Variants in CDH12 observed in about 807,000 individuals in gnomAD.
CDH12 encodes the protein cadherin 12.
In CDH12, 41 loss-of-function variants were observed where a neutral mutation model predicts 74.1. The observed-to-expected ratio is 0.55, with a 90% CI of 0.43 to 0.72. The LOEUF (loss-of-function observed/expected upper bound fraction) is 0.72. Ranked by LOEUF, CDH12 falls within the 30% of genes least tolerant of loss-of-function variation. The probability of loss-of-function intolerance (pLI) is 0.00; values close to 1 mark genes in which losing one functional copy is unlikely to be tolerated. For missense variants in CDH12, 945 were observed against 977.2 expected (o/e 0.97, Z 0.44); for synonymous variants, 399 against 355.0 (o/e 1.12, Z -1.39).
rs145596683 is a variant in CDH12 at position 21,831,909 on chromosome 5, C to T, written c.814+10252G>A. On this transcript the variant is annotated intron_variant, in intron 8 of 14. Coordinates refer to ENST00000382254, the MANE Select transcript of CDH12 (RefSeq NM_004061.5). Reference sequence around the variant, plus strand: ...ACATAACACTACATTATTCATGCCACTCTGCCAATATTTTAATTTCTAAAA... The same window carrying T: ...ACATAACACTACATTATTCATGCCATTCTGCCAATATTTTAATTTCTAAAA... Among the ~76,000 whole-genome samples the T allele has an allele frequency of 4.3e-3, 659 of 152,082 alleles. 4 individuals are homozygous for T. Among genetic ancestry groups the T allele is most frequent in the African/African-American group, 0.015 (627 of 41,500 alleles).
chr5:22,715,852 T>C (rs913495637), intron 1 of CDH12, among the ~76,000 whole-genome samples: 4 of 149,886 alleles, frequency 2.7e-5, no homozygotes, highest in African/African-American at 9.8e-5. Flanking sequence ...AATATATACA[T>C]ATGGCTAAGC....
rs896664554 is a variant in CDH12 at position 21,760,428 on chromosome 5, T to C, written c.1633+130A>G. On this transcript the variant is annotated intron_variant, in intron 13 of 14. Coordinates refer to ENST00000382254, the MANE Select transcript of CDH12 (RefSeq NM_004061.5). Reference sequence around the variant, plus strand: ...TTAATTTACTACTAGGTACAGAATATTGCCTTTCTCATGTAAGGATCTCAT... The same window carrying C: ...TTAATTTACTACTAGGTACAGAATACTGCCTTTCTCATGTAAGGATCTCAT... 96 of 653,440 alleles carry C rather than the reference T, an allele frequency of 1.5e-4. No individual in the cohort carries two copies. The East Asian group carries it at 2.4e-3, about 16-fold the overall frequency. The allele number at this position is 653,440 out of a possible 1,614,324, so 40.5% of individuals were successfully genotyped here. A position where few individuals can be genotyped will look rare whatever the true frequency, so the allele number is the denominator to read the frequency against.
intron 2 of CDH12, among the ~76,000 whole-genome samples, chr5:22,420,554 C>A (rs1428196854): frequency 6.6e-6 from 1 of 152,076 alleles, no homozygotes; most frequent in Non-Finnish European, 1.5e-5. Context: ...GTACCAGCAC[C>A]ATGCTGTTTT....
chr5:21,974,154 T>C (rs1241554344), intron 6 of CDH12, among the ~76,000 whole-genome samples: 1 of 152,092 alleles, frequency 6.6e-6, no homozygotes, highest in Non-Finnish European at 1.5e-5. Context: ...TGGGTGGTGG[T>C]AGGAGCAGTA....
intron 2 of CDH12, among the ~76,000 whole-genome samples, chr5:22,438,531 AAT>A (rs1354936605): frequency 6.6e-6 from 1 of 152,094 alleles, no homozygotes; most frequent in Non-Finnish European, 1.5e-5. Flanking sequence ...TACACTGTCT[AAT>A]ATGGTACCAT....
rs1453759023 is a variant in CDH12, at chr5:21,878,911, G to GAAAGGAAGAAAGAA, written c.527-24135_527-24122dup. ...AAAGAAAGAAGAAAGAAAAAGAAAA[G>GAAAGGAAGAAAGAA]AAAGGAAGAAAGAAAAAGAAAGAAA... On this transcript the variant is annotated intron_variant, in intron 6 of 14. Coordinates refer to ENST00000382254, the MANE Select transcript of CDH12 (RefSeq NM_004061.5). Among the ~76,000 whole-genome samples, 3 of 133,234 alleles carry GAAAGGAAGAAAGAA rather than the reference G, an allele frequency of 2.3e-5. No homozygotes were observed. In the East Asian group the frequency reaches 6.9e-4, roughly 31 times the overall value. The allele number at this position is 133,234 out of a possible 152,430, so 87.4% of individuals were successfully genotyped here. A position where few individuals can be genotyped will look rare whatever the true frequency, so the allele number is the denominator to read the frequency against.
At chr5:22,398,030 C>A (rs896526279) in intron 3 of CDH12, among the ~76,000 whole-genome samples, 2 of 152,090 alleles carry the variant, frequency 1.3e-5, no homozygotes, top group Admixed American at 1.3e-4. Context: ...ACTACTCTTG[C>A]CACCATTAGG....
intron 1 of CDH12, among the ~76,000 whole-genome samples, chr5:22,648,966 T>G (rs1386621789): frequency 6.6e-6 from 1 of 151,970 alleles, no homozygotes; most frequent in East Asian, 1.9e-4. Context: ...TGCAAAACTG[T>G]AGTTCAAAGA....
chr5:22,181,747 C>T (rs1749656031), intron 4 of CDH12, among the ~76,000 whole-genome samples: 1 of 152,080 alleles, frequency 6.6e-6, no homozygotes, highest in Non-Finnish European at 1.5e-5. Context: ...CTCCTAATTT[C>T]AGGGAATGGT....
At chr5:21,995,615 T>G (rs1487055861) in intron 5 of CDH12, among the ~76,000 whole-genome samples, 3 of 151,510 alleles carry the variant, frequency 2.0e-5, no homozygotes, top group Non-Finnish European at 4.4e-5. Context: ...TTCTCCCCAC[T>G]CCCCTTTCCC....
At chr5:21,784,402 T>C (rs1006996272) in intron 10 of CDH12, among the ~76,000 whole-genome samples, 3 of 152,232 alleles carry the variant, frequency 2.0e-5, no homozygotes, top group Middle Eastern at 3.4e-3. Flanking sequence ...AATAGTATTA[T>C]TAATATGTCT....
rs376602065 is a variant in CDH12, at chr5:22,595,703, T to A, written c.-522-90339A>T. Among the ~76,000 whole-genome samples the A allele has an allele frequency of 4.9e-4, 74 of 152,240 alleles. 2 individuals are homozygous for A. The East Asian group carries it at 0.01, about 21-fold the overall frequency. ...GTAACAGTAGTCTTCATCTTCAATA[T>A]CCACCACTACATTTAAACTGTGAAT... On this transcript the variant is annotated intron_variant, in intron 1 of 14. Coordinates refer to ENST00000382254, the MANE Select transcript of CDH12 (RefSeq NM_004061.5).
At chr5:22,774,137 C>T (rs1344594022) in intron 1 of CDH12, among the ~76,000 whole-genome samples, 1 of 152,042 alleles carries the variant, frequency 6.6e-6, no homozygotes, top group African/African-American at 2.4e-5. Flanking sequence ...GGTATATATC[C>T]ATGCAGATGT....
At chr5:22,685,866 C>G (rs1741767217) in intron 1 of CDH12, among the ~76,000 whole-genome samples, 1 of 152,196 alleles carries the variant, frequency 6.6e-6, no homozygotes, top group Non-Finnish European at 1.5e-5. Flanking sequence ...CATGTGTGTA[C>G]AAGTTCGTAT....
At chr5:22,632,753 T>C (rs1393891554) in intron 1 of CDH12, among the ~76,000 whole-genome samples, 1 of 151,716 alleles carries the variant, frequency 6.6e-6, no homozygotes, top group Non-Finnish European at 1.5e-5. Flanking sequence ...AAATAATATG[T>C]GGATACATTA....
chr5:22,667,817 TTG>T (rs373320960), intron 1 of CDH12, among the ~76,000 whole-genome samples: 3 of 152,346 alleles, frequency 2.0e-5, no homozygotes, highest in African/African-American at 7.2e-5. Context: ...GATTTACATA[TTG>T]ACAATAATCA....
At chr5:22,838,597 G>C (rs1004477380) in intron 1 of CDH12, among the ~76,000 whole-genome samples, 1 of 152,022 alleles carries the variant, frequency 6.6e-6, no homozygotes, top group Non-Finnish European at 1.5e-5. Context: ...GGCAGGCAAA[G>C]GGGGATTTAC....
intron 5 of CDH12, among the ~76,000 whole-genome samples, chr5:22,024,329 A>C (rs982349848): frequency 2.6e-5 from 4 of 152,182 alleles, no homozygotes; most frequent in Non-Finnish European, 5.9e-5. Context: ...AGATAAAACA[A>C]AACAAAACAA....
At chr5:22,461,824 T>G (rs927338436) in intron 2 of CDH12, among the ~76,000 whole-genome samples, 6 of 151,788 alleles carry the variant, frequency 4.0e-5, no homozygotes, top group African/African-American at 1.5e-4. Context: ...ATTATACTTC[T>G]CCATTTCTAT....
Sources: gnomAD v4.1 joint callset for allele counts (sites outside exome capture counted in the v4.1 genomes callset) on GRCh38, gnomAD v4.1.1 for gene constraint, MANE v1.5 for transcripts, NCBI Gene and HGNC (gene_info 2026-07-23, HGNC 2026-07-21) for gene names.